CALN1: variants seen among roughly 807,000 people sequenced by gnomAD.
CALN1 encodes calneuron 1, also known as calcium-binding protein 8.
A neutral mutation model predicts 30.6 loss-of-function variants in CALN1; 17 were observed. The observed-to-expected ratio is 0.56, with a 90% confidence interval of 0.38 to 0.83. The LOEUF (loss-of-function observed/expected upper bound fraction) is 0.83. Among genes scored for constraint, CALN1 ranks in the 40% least tolerant of loss-of-function variants. The pLI is 0.00. For synonymous variants in CALN1, 156 were observed against 131.4 expected, an observed-to-expected ratio of 1.19 and a Z score of -1.28; for missense variants, 291 against 354.9, an observed-to-expected ratio of 0.82 and a Z score of 1.45.
intron 2 of CALN1, among the ~76,000 whole-genome samples, chr7:72,286,477 A>G (rs1044904642): frequency 6.6e-6 from 1 of 152,186 alleles, no homozygotes; most frequent in Admixed American, 6.5e-5. Flanking sequence ...TTTTTCATGC[A>G]TTGCTTCTGA....
intron 6 of CALN1, among the ~76,000 whole-genome samples, chr7:71,793,779 T>G (rs1037922871): frequency 3.9e-5 from 6 of 151,990 alleles, no homozygotes; most frequent in Non-Finnish European, 8.8e-5. Flanking sequence ...GGGAGGCTGA[T>G]GCAGGAGGAT....
At position 71,828,703 on chromosome 7, in the gene CALN1, CAT is replaced by C. The variant is rs539808195; in HGVS notation, c.502-18213_502-18212del. ...TATACATAAGATATATACATATATA[CAT>C]ATATATATGTATATGTGTGTGTGTG... is the stretch of plus-strand genomic sequence containing the variant. On this transcript the variant is annotated intron_variant, in intron 5 of 6. Coordinates refer to ENST00000395275, the MANE Select transcript of CALN1 (RefSeq NM_031468.4). Among the ~76,000 whole-genome samples the C allele has an allele frequency of 2.2e-5, 3 of 139,156 alleles. No individual in the cohort carries two copies. In the East Asian group the frequency reaches 6.1e-4, roughly 29 times the overall value. 91.3% of individuals were successfully genotyped at this position (139,156 alleles called of 152,430 possible).
intron 3 of CALN1, among the ~76,000 whole-genome samples, chr7:72,237,689 T>TCC (rs1794558814): frequency 6.6e-6 from 1 of 152,158 alleles, no homozygotes; most frequent in African/African-American, 2.4e-5. Flanking sequence ...TACTGAGTCC[T>TCC]CCCTCTCTTA....
intron 5 of CALN1, among the ~76,000 whole-genome samples, chr7:71,971,023 C>T (rs2129526286): frequency 6.6e-6 from 1 of 152,212 alleles, no homozygotes; most frequent in South Asian, 2.1e-4. Context: ...ACACTAGGAA[C>T]CAGTAAAGGA....
At chr7:72,300,235 T>C (rs545838906) in intron 2 of CALN1, among the ~76,000 whole-genome samples, 17 of 152,214 alleles carry the variant, frequency 1.1e-4, no homozygotes, top group African/African-American at 3.4e-4. Context: ...TGATACTTCA[T>C]AGCAATTGAA....
intron 1 of CALN1, among the ~76,000 whole-genome samples, chr7:72,410,828 T>C (rs1394431622): frequency 6.6e-6 from 1 of 152,198 alleles, no homozygotes; most frequent in Non-Finnish European, 1.5e-5. Flanking sequence ...CAAGAAGCAC[T>C]AGAAACTTTA....
chr7:71,961,418 A>C (rs1797241518), intron 5 of CALN1, among the ~76,000 whole-genome samples: 2 of 152,244 alleles, frequency 1.3e-5, no homozygotes, highest in African/African-American at 4.8e-5. Context: ...GATCTAGCTG[A>C]TGAAAATGTT....
At chr7:71,841,523 T>TA (rs1789936506) in intron 5 of CALN1, among the ~76,000 whole-genome samples, 1 of 152,102 alleles carries the variant, frequency 6.6e-6, no homozygotes, top group African/African-American at 2.4e-5. Context: ...CAAAGGAAAA[T>TA]AAATCATTCT....
chr7:72,150,872 T>TATGATGATGATG (rs139046404), intron 3 of CALN1, among the ~76,000 whole-genome samples: 28,909 of 150,352 alleles, frequency 0.19, 3,091 homozygotes, highest in Non-Finnish European at 0.25. Context: ...GCTGTGATGA[T>TATGATGATGATG]ATGATGATGA....
rs1318190482 is a variant in CALN1, at chr7:72,296,364, G to A, written c.120-17554C>T. Among the ~76,000 whole-genome samples the A allele has an allele frequency of 9.3e-5, 13 of 139,454 alleles. No individual in the cohort carries two copies. The East Asian group carries it at 2.3e-3, about 24-fold the overall frequency. The allele number at this position is 139,454 out of a possible 152,430, so 91.5% of individuals were successfully genotyped here. ...CTCTGCCCGGCTTTGGTATCAGAAT[G>A]ATGCTGGCCTCATAAAATGAGTTAG... On this transcript the variant is annotated intron_variant, in intron 2 of 6. Transcript: ENST00000395275.
Position 72,430,964 on chromosome 7 carries a change from ATT to A in CALN1, c.-226+16076_-226+16077del, listed in dbSNP as rs781481392. Among the ~76,000 whole-genome samples the A allele has an allele frequency of 8.4e-3, 1,004 of 118,922 alleles. 6 individuals are homozygous for A. The highest frequency in any genetic ancestry group is 0.028 in the African/African-American group (888 of 31,286). 78.0% of individuals were successfully genotyped at this position (118,922 alleles called of 152,430 possible). ...ACTACCCATGGAGTGAAGCCAAGCT[ATT>A]TTTTTTTTTTTTTTTTTTTGAGATG... On this transcript the variant is annotated intron_variant, in intron 1 of 6. Transcript: ENST00000395276.
At chr7:72,469,376 C>T in the CALN1 span, among the ~76,000 whole-genome samples, 19,411 of 152,104 alleles carry the variant, frequency 0.13, 2,527 homozygotes, top group African/African-American at 0.33. Context: ...CAGTTGGCCG[C>T]AGATGTATGG....
intron 5 of CALN1, among the ~76,000 whole-genome samples, chr7:71,971,430 A>G (rs1797792426): frequency 6.6e-6 from 1 of 152,218 alleles, no homozygotes; most frequent in African/African-American, 2.4e-5. Flanking sequence ...AGCCTGGGCA[A>G]CAAGAGCGAA....
In CALN1 at chr7:72,011,225, C is replaced by CAAAA. The variant is rs201590274; in HGVS notation, c.501+12428_501+12431dup. Among the ~76,000 whole-genome samples the CAAAA allele has an allele frequency of 6.8e-3, 1,020 of 149,220 alleles. 12 individuals carry two copies. Among genetic ancestry groups the CAAAA allele is most frequent in the African/African-American group, 0.024 (992 of 40,548 alleles). ...TTCACCATGGCAATATAGGAAAAAA[C>CAAAA]AAAAAAAAACAAAAACAAAAAACCA... On this transcript the variant is annotated intron_variant, in intron 5 of 6. Coordinates refer to ENST00000395275, the MANE Select transcript of CALN1 (RefSeq NM_031468.4).
chr7:72,133,766 G>A (rs1809321229), intron 3 of CALN1, among the ~76,000 whole-genome samples: 1 of 152,090 alleles, frequency 6.6e-6, no homozygotes, highest in Non-Finnish European at 1.5e-5. Flanking sequence ...TTAGGTTCCA[G>A]GACAAGGATA....
chr7:72,207,022 T>C (rs1211458934), intron 3 of CALN1, among the ~76,000 whole-genome samples: 1 of 152,218 alleles, frequency 6.6e-6, no homozygotes, highest in Non-Finnish European at 1.5e-5. Flanking sequence ...AAACAGTCTC[T>C]ATATCATCTC....
intron 5 of CALN1, among the ~76,000 whole-genome samples, chr7:71,887,877 G>A (rs1562873569): frequency 6.6e-6 from 1 of 152,122 alleles, no homozygotes; most frequent in Non-Finnish European, 1.5e-5. Flanking sequence ...CCGAGAATGT[G>A]TGTGCAAAAT....
intron 3 of CALN1, among the ~76,000 whole-genome samples, chr7:72,118,169 T>C (rs966144849): frequency 6.6e-6 from 1 of 152,154 alleles, no homozygotes; most frequent in African/African-American, 2.4e-5. Flanking sequence ...AATTAAAACA[T>C]GAATCTGACT....
intron 6 of CALN1, among the ~76,000 whole-genome samples, chr7:71,795,655 A>T (rs1786855031): frequency 6.6e-6 from 1 of 152,114 alleles, no homozygotes; most frequent in Non-Finnish European, 1.5e-5. Context: ...CTGCAGCCCC[A>T]GGCAAACACT....
Sources: allele counts gnomAD v4.1 joint callset (sites outside exome capture counted in the v4.1 genomes callset), GRCh38; gene constraint gnomAD v4.1.1; transcripts MANE v1.5; gene names NCBI Gene and HGNC (gene_info 2026-07-23, HGNC 2026-07-21).